The following IDUA variants were observed in gnomAD, a reference collection of about 807,000 sequenced individuals.
IDUA encodes iduronidase alpha-L-.
IDUA carries 65 observed loss-of-function variants against 68.9 expected under a neutral mutation model. That is an observed-to-expected ratio of 0.94 (90% CI 0.77 to 1.16). The LOEUF (loss-of-function observed/expected upper bound fraction) is 1.16, where lower values mean the gene tolerates loss of function less well. Among genes scored for constraint, IDUA ranks in the 50% most tolerant of loss-of-function variants. The pLI, the probability that IDUA is intolerant of heterozygous loss-of-function variation, is 0.00. For synonymous variants in IDUA, 529 were observed against 433.6 expected (o/e 1.22, Z -2.73); for missense variants, 1,046 against 938.0 (o/e 1.12, Z -1.50).
intron 2 of IDUA, among the ~76,000 whole-genome samples, chr4:997,878 G>A (rs2153020697): frequency 6.6e-6 from 1 of 152,342 alleles, no homozygotes; most frequent in East Asian, 1.9e-4. Context: ...CGCCTTGGGT[G>A]TCAGGCCAGG....
chr4:998,620 G>A (rs1714882972), intron 2 of IDUA, among the ~76,000 whole-genome samples: 1 of 152,038 alleles, frequency 6.6e-6, no homozygotes, highest in African/African-American at 2.4e-5. Flanking sequence ...CAGGCCAGAA[G>A]CATCACTCAC....
rs1376634337 is a variant in IDUA at position 987,717 on chromosome 4, C to T, written c.159-92C>T. On this transcript the variant is annotated intron_variant, in intron 1 of 13. Coordinates refer to ENST00000514224, the MANE Select transcript of IDUA (RefSeq NM_000203.5). ...ACGCACGGGCAGCGCCTGGATCCTG[C>T]GCCCGGGCAGTCCTGGGCTTGAACG... The T allele has an allele frequency of 1.1e-5, 18 of 1,577,164 alleles. 1 individual carries two copies. In the East Asian group the frequency reaches 1.6e-4, roughly 14 times the overall value.
At chr4:1,002,188 C>A in intron 7 of IDUA, 27 bp downstream of exon 7, 1 of 1,561,914 alleles carries the variant, frequency 6.4e-7, no homozygotes, top group South Asian at 1.2e-5. Flanking sequence ...CCCTGCGCGC[C>A]CCCCGGCCAC....
chr4:1,003,272 G>A, intron 10 of IDUA, 73 bp from the exon 11 acceptor site: 4 of 1,353,342 alleles, frequency 3.0e-6, no homozygotes, highest in South Asian at 1.8e-5. Context: ...TGGGCCGGGG[G>A]CGTTCGCCCT....
chr4:1,002,562 G>T, intron 8 of IDUA, 77 bp downstream of exon 8: 14 of 1,328,392 alleles, frequency 1.1e-5, no homozygotes, highest in Non-Finnish European at 1.4e-5. Flanking sequence ...CCCCGCTGCG[G>T]GGAGCGCACT....
chr4:988,340 G>C, intron 2 of IDUA: 1 of 1,090,008 alleles, frequency 9.2e-7, no homozygotes, highest in Non-Finnish European at 1.1e-6. Context: ...CCTGTGAGGG[G>C]GAGGCACGAG....
intron 8 of IDUA, 25 bp downstream of exon 8, chr4:1,002,510 C>A (rs1350894624): frequency 6.1e-6 from 9 of 1,480,444 alleles, no homozygotes; most frequent in Non-Finnish European, 8.0e-6. Flanking sequence ...CTGGGGTGGG[C>A]CGGCCAGGGC....
rs764196171 is a variant in IDUA, at chr4:1,002,325, C to G, written c.1029C>G (p.Tyr343Ter). 2 of 1,613,124 alleles carry G rather than the reference C, an allele frequency of 1.2e-6. No individual in the cohort carries two copies. Among genetic ancestry groups the G allele is most frequent in the African/African-American group, 1.3e-5 (1 of 74,942 alleles). The change falls in exon 8 of 14, where the codon TAC becomes TAG. Residue 343 changes from tyrosine (Y) to a stop codon, truncating the protein, a stop_gained. Transcript: ENST00000514224. LOFTEE classifies it high-confidence loss of function. The part of the protein sequence containing the change: ...LLANTTSAFP[Y>*]ALLSNDNAFL... ...CCAACACCACCTCCGCCTTCCCCTA[C>G]GCGCTCCTGAGCAACGACAATGCCT...
intron 2 of IDUA, chr4:990,823 A>C: frequency 2.4e-6 from 1 of 420,714 alleles, no homozygotes; most frequent in Non-Finnish European, 4.2e-6. Context: ...AAGGCCTGGG[A>C]GGCCACATGG....
Position 987,105 on chromosome 4 carries a change from C to T in IDUA, c.21C>T (p.Arg7=), listed in dbSNP as rs1240723907. The T allele has an allele frequency of 2.1e-6, 3 of 1,457,052 alleles. No individual in the cohort carries two copies. The highest frequency in any genetic ancestry group is 2.7e-6 in the Non-Finnish European group (3 of 1,109,780). The allele number at this position is 1,457,052 out of a possible 1,614,324, so 90.3% of individuals were successfully genotyped here. The stretch of plus-strand genomic sequence containing the variant: ...TGGCCATGCGTCCCCTGCGCCCCCG[C>T]GCCGCGCTGCTGGCGCTCCTGGCCT... MRPLRP[R]AALLALLASL... The change falls in exon 1 of 14, where the codon CGC becomes CGT. Residue 7 remains arginine, a synonymous_variant. Transcript: ENST00000514224.
Position 1,004,011 on chromosome 4 carries a change from G to T in IDUA, c.1728-1G>T. 6.2e-7 allele frequency: 1 copy of T among 1,610,796 alleles called. No individual in the cohort carries two copies. The highest frequency in any genetic ancestry group is 2.2e-5 in the East Asian group (1 of 44,814). On this transcript the variant is annotated splice_acceptor_variant, in intron 12 of 13. Transcript: ENST00000514224. LOFTEE classifies it high-confidence loss of function. This position sits in a 1 kb window ranked among gnomAD's most constrained non-coding sequence, Gnocchi z 5.0. ...CCTTGTTCTTGGCCTGACCTCCCCA[G>T]GTGCCTGTGGACATACGAGATCCAG...
chr4:990,480 T>C, intron 2 of IDUA: 1 of 1,010,214 alleles, frequency 9.9e-7, no homozygotes, highest in Non-Finnish European at 1.4e-6. Flanking sequence ...AATTCTGTGT[T>C]GCGGCCCCGT....
At chr4:989,990 A>G (rs1291498398) in intron 2 of IDUA, 2 of 1,563,668 alleles carry the variant, frequency 1.3e-6, no homozygotes, top group South Asian at 2.3e-5. Context: ...GCCACGCTCG[A>G]GCCAAAGCGC....
chr4:1,001,668 C>A lies in IDUA; in HGVS notation c.590-11C>A. 6.2e-7 allele frequency: 1 copy of A among 1,603,148 alleles called. No homozygotes were observed. The highest frequency in any genetic ancestry group is 1.3e-5 in the African/African-American group (1 of 74,972). On this transcript the variant is annotated splice_polypyrimidine_tract_variant and intron_variant, in intron 5 of 13. Transcript: ENST00000514224. ...CAGGGCAGGTGTAGACGCAGTGCTC[C>A]CCCGGCCCAGGCTTCCTGAACTACT...
At chr4:987,376 C>A in intron 1 of IDUA, 134 bp downstream of exon 1, 1 of 954,806 alleles carries the variant, frequency 1.0e-6, no homozygotes, top group Non-Finnish European at 1.5e-6. Flanking sequence ...GCCCGCCCCC[C>A]GCCGTGTTTG....
rs1715085291 is a variant in IDUA at position 1,001,690 on chromosome 4, T to A, written c.601T>A (p.Tyr201Asn). ...VSMTMQGFLN[Y>N]YDACSEGLRA... is the part of the protein sequence containing the mutation. Reference sequence around the variant, plus strand: ...CTCCCCCGGCCCAGGCTTCCTGAACTACTACGATGCCTGCTCGGAGGGTCT... The same window carrying A: ...CTCCCCCGGCCCAGGCTTCCTGAACAACTACGATGCCTGCTCGGAGGGTCT... Residue 201 changes from tyrosine (Y) to asparagine (N), a missense_variant, in exon 6 of 14, where the codon TAC becomes AAC. Tyr to Asn is a moderately radical substitution (Grantham distance 143). Coordinates refer to ENST00000514224, the MANE Select transcript of IDUA (RefSeq NM_000203.5). 3 of 1,601,182 alleles carry A rather than the reference T, an allele frequency of 1.9e-6. No homozygotes were observed. Among genetic ancestry groups the A allele is most frequent in the Non-Finnish European group, 2.5e-6 (3 of 1,179,052 alleles).
chr4:1,003,514 T>A, intron 11 of IDUA, 35 bp from the exon 12 acceptor site: 1 of 1,603,786 alleles, frequency 6.2e-7, no homozygotes, highest in Non-Finnish European at 8.5e-7. Context: ...CGGACTCCCC[T>A]TCCCCGACGC....
intron 2 of IDUA, chr4:990,511 C>T (rs986985565): frequency 2.0e-5 from 15 of 752,544 alleles, no homozygotes; most frequent in East Asian, 1.1e-4. Flanking sequence ...CCAGACTCCT[C>T]ACACGGGCCT....
At chr4:1,003,272 G>T in intron 10 of IDUA, 73 bp from the exon 11 acceptor site, 1 of 1,353,342 alleles carries the variant, frequency 7.4e-7, no homozygotes, top group Non-Finnish European at 9.4e-7. Flanking sequence ...TGGGCCGGGG[G>T]CGTTCGCCCT....
Sources: gnomAD v4.1 joint callset for allele counts (sites outside exome capture counted in the v4.1 genomes callset) on GRCh38, gnomAD v4.1.1 for gene constraint, Gnocchi (gnomAD v3.1) non-coding constraint, MANE v1.5 for transcripts, NCBI Gene and HGNC (gene_info 2026-07-23, HGNC 2026-07-21) for gene names.